HIRA: variants seen among roughly 807,000 people sequenced by gnomAD.
HIRA encodes the protein protein HIRA.
HIRA carries 13 observed loss-of-function variants against 126.6 expected under a neutral mutation model. The ratio of observed to expected loss-of-function variants is 0.10; its 90% confidence interval spans 0.07 to 0.16. The LOEUF (loss-of-function observed/expected upper bound fraction) is 0.16. HIRA is among the 10% of genes least tolerant of loss of function. HIRA has a pLI of 1.00. For synonymous variants in HIRA, 511 were observed against 520.0 expected (o/e 0.98, Z 0.24); for missense variants, 834 against 1,314.4 (o/e 0.63, Z 5.65).
intron 15 of HIRA, among the ~76,000 whole-genome samples, chr22:19,365,194 A>T (rs2088901358): frequency 6.6e-6 from 1 of 152,260 alleles, no homozygotes; most frequent in African/African-American, 2.4e-5. Context: ...TAAAACGGCA[A>T]GGTGAAGCAG....
At position 19,387,718 on chromosome 22, in the gene HIRA, T is replaced by C; in HGVS notation, c.1106A>G (p.Glu369Gly). Residue 369 changes from glutamate (E) to glycine (G), a missense_variant, in exon 11 of 25, where the codon GAG (glutamate) becomes GGG (glycine). By Grantham distance (98) the Glu-to-Gly change is moderately conservative. Around this residue, in one of 5 missense-constraint regions of HIRA, gnomAD observed 153 missense variants for 270.6 expected, o/e 0.57. Transcript: ENST00000263208. The stretch of plus-strand genomic sequence containing the variant: ...CAAGAGCCGTCAGCCTACCTTCTCC[T>C]CCTCGCTCAGGGGATCGCCAAGCTC... ...QDELGDPLSE[E>G]EKSRIHQSTY... is the part of the protein sequence containing the mutation. The C allele has an allele frequency of 1.2e-6, 2 of 1,613,616 alleles. No homozygotes were observed. Among genetic ancestry groups the C allele is most frequent in the Non-Finnish European group, 1.7e-6 (2 of 1,179,794 alleles).
At chr22:19,428,917 G>A (rs1016239783) in intron 1 of HIRA, among the ~76,000 whole-genome samples, 6 of 152,178 alleles carry the variant, frequency 3.9e-5, no homozygotes, top group East Asian at 1.9e-4. Flanking sequence ...TCAGGCTTCC[G>A]GCTGAGCAGC....
At chr22:19,377,843 A>G (rs755008838) in intron 14 of HIRA, 26 bp downstream of exon 14, 4 of 1,555,840 alleles carry the variant, frequency 2.6e-6, no homozygotes, top group East Asian at 2.3e-5. Context: ...CCCCAGGGAC[A>G]GGAACAAGCC....
At chr22:19,377,089 C>G (rs1219974180) in intron 14 of HIRA, among the ~76,000 whole-genome samples, 1 of 152,202 alleles carries the variant, frequency 6.6e-6, no homozygotes, top group Non-Finnish European at 1.5e-5. Flanking sequence ...GCCTCATCCC[C>G]TGGTAGGCCT....
intron 13 of HIRA, among the ~76,000 whole-genome samples, chr22:19,379,044 T>G (rs2089045019): frequency 6.6e-6 from 1 of 151,816 alleles, no homozygotes; most frequent in Non-Finnish European, 1.5e-5. Context: ...CTTTTTTTTT[T>G]TTGAGACAGA....
Position 19,394,411 on chromosome 22 carries a change from C to A in HIRA, c.753G>T (p.Gln251His). The change falls in exon 8 of 25, where the codon CAG becomes CAT. Residue 251 changes from glutamine to histidine, a missense_variant. This residue lies in a region of HIRA where 53 missense variants were observed against 163.7 expected (regional missense o/e 0.32). Coordinates refer to ENST00000263208, the MANE Select transcript of HIRA (RefSeq NM_003325.4). ...HAMNNSGPTAQIIEREGWKTN... is the reference protein window; with the variant it reads ...HAMNNSGPTAHIIEREGWKTN... Reference sequence around the variant, plus strand: ...TCTTCCATCCCTCCCGTTCGATGATCTGGGCAGTGGGGCCTGAGTTGTTCA... The same window carrying A: ...TCTTCCATCCCTCCCGTTCGATGATATGGGCAGTGGGGCCTGAGTTGTTCA... 6.2e-7 allele frequency: 1 copy of A among 1,614,154 alleles called. No individual in the cohort carries two copies. The highest frequency in any genetic ancestry group is 8.5e-7 in the Non-Finnish European group (1 of 1,180,034).
intron 22 of HIRA, 136 bp from the exon 23 acceptor site, chr22:19,353,655 G>A (rs5993611): frequency 3.4e-6 from 3 of 886,860 alleles, no homozygotes; most frequent in East Asian, 5.3e-5. Context: ...CCACTAGCCA[G>A]TCTGTTGGCA....
At chr22:19,363,388 C>T (rs2146199663) in intron 15 of HIRA, among the ~76,000 whole-genome samples, 1 of 152,288 alleles carries the variant, frequency 6.6e-6, no homozygotes, top group South Asian at 2.1e-4. Context: ...AGGAGGACTG[C>T]TCGAGCCCAG....
chr22:19,414,083 G>A (rs2089375781), intron 1 of HIRA, among the ~76,000 whole-genome samples: 1 of 152,096 alleles, frequency 6.6e-6, no homozygotes, highest in South Asian at 2.1e-4. Context: ...AGAAAGAAAA[G>A]ACAAATTAAC....
Position 19,359,447 on chromosome 22 carries a change from T to C in HIRA, c.2123A>G (p.Asn708Ser). 6.2e-7 allele frequency: 1 copy of C among 1,609,828 alleles called. No homozygotes were observed. The highest frequency in any genetic ancestry group is 8.5e-7 in the Non-Finnish European group (1 of 1,178,282). The change falls in exon 18 of 25, where the codon AAT becomes AGT. Residue 708 changes from asparagine (N) to serine (S), a missense_variant. This residue lies in a region of HIRA where 468 missense variants were observed against 574.2 expected (regional missense o/e 0.82). Transcript: ENST00000263208. ...SDPSMYIEVE[N>S]EVTVVGGVKL... Reference sequence around the variant, plus strand: ...CACGCCCCCCACCACTGTCACTTCATTCTCCACCTCAATGTACATGGAAGG... The same window carrying C: ...CACGCCCCCCACCACTGTCACTTCACTCTCCACCTCAATGTACATGGAAGG...
intron 5 of HIRA, among the ~76,000 whole-genome samples, chr22:19,398,906 G>C (rs1023888401): frequency 3.3e-5 from 5 of 152,060 alleles, no homozygotes; most frequent in African/African-American, 1.2e-4. Flanking sequence ...GGAGGTTAAG[G>C]CTGCAGTGAC....
At chr22:19,420,470 A>AAAAAC (rs1556028330) in intron 1 of HIRA, among the ~76,000 whole-genome samples, 80 of 130,476 alleles carry the variant, frequency 6.1e-4, no homozygotes, top group East Asian at 1.4e-3. Context: ...CTCAAAAAAA[A>AAAAAC]AAAAAAAAAA....
At chr22:19,373,251 T>C (rs1201984616) in intron 15 of HIRA, among the ~76,000 whole-genome samples, 2 of 152,212 alleles carry the variant, frequency 1.3e-5, no homozygotes, top group African/African-American at 4.8e-5. Context: ...TGTTCCAATT[T>C]TGTTTTAGCT....
Position 19,373,096 on chromosome 22 carries a change from A to G in HIRA, c.1775+2535T>C, listed in dbSNP as rs1569299089. The stretch of plus-strand genomic sequence containing the variant: ...TGTCATATCTAAGAAACAGTTGCCT[A>G]ATCCAAGGTCACATAGATTTCTATC... On this transcript the variant is annotated intron_variant, in intron 15 of 24. Coordinates refer to ENST00000263208, the MANE Select transcript of HIRA (RefSeq NM_003325.4). 2.0e-5 allele frequency among the ~76,000 whole-genome samples: 3 copies of G among 152,380 alleles called. No homozygotes were observed. The East Asian group carries it at 5.8e-4, about 29-fold the overall frequency.
chr22:19,413,169 G>A (rs2089367634), intron 1 of HIRA, among the ~76,000 whole-genome samples: 1 of 152,182 alleles, frequency 6.6e-6, no homozygotes, highest in African/African-American at 2.4e-5. Context: ...TCAGTAAGGA[G>A]CTGAGACATT....
chr22:19,345,101 ATAT>A (rs1556008530), intron 24 of HIRA, among the ~76,000 whole-genome samples: 1 of 152,258 alleles, frequency 6.6e-6, no homozygotes, highest in Non-Finnish European at 1.5e-5. Flanking sequence ...TCCAGCACTA[ATAT>A]TTAACGTAGT....
chr22:19,332,830 A>T (rs567205886), intron 24 of HIRA, among the ~76,000 whole-genome samples: 31 of 151,958 alleles, frequency 2.0e-4, no homozygotes, highest in South Asian at 6.2e-4. Flanking sequence ...CATTTTTTTT[A>T]AAAAAAGGAG....
intron 8 of HIRA, among the ~76,000 whole-genome samples, chr22:19,393,449 C>T (rs2089198549): frequency 6.6e-6 from 1 of 152,152 alleles, no homozygotes; most frequent in African/African-American, 2.4e-5. Flanking sequence ...CCTCCGCCTC[C>T]CGGGTTCAAG....
At chr22:19,391,976 T>C in intron 9 of HIRA, 125 bp downstream of exon 9, 1 of 494,434 alleles carries the variant, frequency 2.0e-6, no homozygotes, top group South Asian at 4.3e-5. Context: ...AAGGAGGGGC[T>C]GACCCCAGGT....
Sources: allele counts gnomAD v4.1 joint callset (sites outside exome capture counted in the v4.1 genomes callset), GRCh38; gene constraint gnomAD v4.1.1; regional missense constraint gnomAD v4.1.1; transcripts MANE v1.5; gene names NCBI Gene and HGNC (gene_info 2026-07-23, HGNC 2026-07-21).